The following ROBO1 variants were observed in gnomAD, a reference collection of about 807,000 sequenced individuals.
ROBO1 encodes the protein roundabout homolog 1.
Under a neutral mutation model 195.9 loss-of-function variants are expected in ROBO1, and 149 were observed. The observed-to-expected ratio is 0.76, with a 90% CI of 0.67 to 0.87. The LOEUF (loss-of-function observed/expected upper bound fraction) is 0.87. ROBO1 is among the 40% of genes least tolerant of loss of function. ROBO1 has a pLI of 0.00. For missense variants in ROBO1, 1,933 were observed against 2,068.3 expected (o/e 0.93, Z 1.27); for synonymous variants, 816 against 733.2 (o/e 1.11, Z -1.82).
intron 2 of ROBO1, among the ~76,000 whole-genome samples, chr3:79,186,872 C>T (rs1028032275): frequency 2.0e-5 from 3 of 152,088 alleles, no homozygotes; most frequent in Admixed American, 1.3e-4. Flanking sequence ...GAGATTTCCT[C>T]GGACTGACTG....
intron 2 of ROBO1, among the ~76,000 whole-genome samples, chr3:79,308,036 A>G (rs943763394): frequency 6.6e-6 from 1 of 152,194 alleles, no homozygotes; most frequent in Non-Finnish European, 1.5e-5. Flanking sequence ...TTTCACACCT[A>G]TAAATTCCCA....
intron 2 of ROBO1, among the ~76,000 whole-genome samples, chr3:79,390,767 T>C (rs1162728133): frequency 1.3e-5 from 2 of 152,000 alleles, no homozygotes; most frequent in Non-Finnish European, 2.9e-5. Context: ...GAAATCAAAC[T>C]TAGGAGAAAA....
At chr3:78,706,542 G>GTGTT (rs2081556771) in intron 8 of ROBO1, among the ~76,000 whole-genome samples, 1 of 151,946 alleles carries the variant, frequency 6.6e-6, no homozygotes, top group Non-Finnish European at 1.5e-5. Context: ...GGGTCTCACT[G>GTGTT]TGTTGCTTAG....
At chr3:79,600,900 G>A (rs1352480932) in intron 1 of ROBO1, among the ~76,000 whole-genome samples, 2 of 151,772 alleles carry the variant, frequency 1.3e-5, no homozygotes, top group Admixed American at 6.6e-5. Flanking sequence ...TTTAATAAAC[G>A]TTATTTGACA....
intron 4 of ROBO1, among the ~76,000 whole-genome samples, chr3:78,833,296 T>C (rs1009354858): frequency 4.6e-5 from 7 of 152,148 alleles, no homozygotes; most frequent in African/African-American, 1.7e-4. Flanking sequence ...AGGTGGGGAA[T>C]AGGACAGAAG....
At chr3:79,441,982 C>G (rs1253311502) in intron 2 of ROBO1, among the ~76,000 whole-genome samples, 1 of 151,864 alleles carries the variant, frequency 6.6e-6, no homozygotes, top group Non-Finnish European at 1.5e-5. Context: ...ATTTCTGTGA[C>G]TAGAGAGGTT....
intron 3 of ROBO1, among the ~76,000 whole-genome samples, chr3:78,973,237 C>T (rs1466568206): frequency 6.6e-6 from 1 of 151,612 alleles, no homozygotes; most frequent in Non-Finnish European, 1.5e-5. Flanking sequence ...GGAAAACTTG[C>T]TAGAAATTTT....
At chr3:78,979,428 A>G (rs541298967) in intron 3 of ROBO1, among the ~76,000 whole-genome samples, 1 of 152,330 alleles carries the variant, frequency 6.6e-6, no homozygotes, top group African/African-American at 2.4e-5. Flanking sequence ...AAAGCAATGG[A>G]CTGAATAATT....
intron 2 of ROBO1, among the ~76,000 whole-genome samples, chr3:79,552,233 T>C (rs1028254321): frequency 1.2e-4 from 18 of 151,948 alleles, no homozygotes; most frequent in Non-Finnish European, 2.5e-4. Context: ...CAACACATAC[T>C]ATATCTCTTG....
chr3:79,589,912 C>G lies in ROBO1; in HGVS notation c.-1G>C, dbSNP rs773607622. 4 of 1,608,182 alleles carry G rather than the reference C, an allele frequency of 2.5e-6. No individual in the cohort carries two copies. Among genetic ancestry groups the G allele is most frequent in the Non-Finnish European group, 3.4e-6 (4 of 1,175,650 alleles). ...AAAAAGGAACATGTTTCCATTTCAT[C>G]TTTGTCCCTTCCTTGCATTACAACC... On this transcript the variant is annotated 5_prime_UTR_variant, in exon 2 of 31. Coordinates refer to ENST00000464233, the MANE Select transcript of ROBO1 (RefSeq NM_002941.4).
intron 3 of ROBO1, among the ~76,000 whole-genome samples, chr3:79,041,402 G>C (rs146473074): frequency 8.5e-4 from 129 of 151,928 alleles, no homozygotes; most frequent in African/African-American, 3.0e-3. Flanking sequence ...GTAAATATTT[G>C]AGAGGTATTG....
intron 2 of ROBO1, among the ~76,000 whole-genome samples, chr3:79,576,072 C>G (rs1330642980): frequency 6.6e-6 from 1 of 151,938 alleles, no homozygotes; most frequent in Non-Finnish European, 1.5e-5. Flanking sequence ...CTCTATACAG[C>G]TTAAAATTTT....
chr3:79,728,315 C>G (rs947488822), intron 1 of ROBO1, among the ~76,000 whole-genome samples: 3 of 152,090 alleles, frequency 2.0e-5, no homozygotes, highest in Admixed American at 6.6e-5. Context: ...TCTCAGATTT[C>G]CTCAGAATTT....
intron 5 of ROBO1, among the ~76,000 whole-genome samples, chr3:78,730,082 C>T (rs1258691970): frequency 6.6e-6 from 1 of 152,160 alleles, no homozygotes; most frequent in African/African-American, 2.4e-5. Context: ...TGACTATACT[C>T]TAGAAATAAA....
intron 10 of ROBO1, among the ~76,000 whole-genome samples, chr3:78,673,873 C>A (rs1232194930): frequency 6.6e-6 from 1 of 151,514 alleles, no homozygotes; most frequent in Non-Finnish European, 1.5e-5. Context: ...AGATAAAGAG[C>A]ATAATTGTCA....
intron 2 of ROBO1, among the ~76,000 whole-genome samples, chr3:79,363,271 C>G (rs971897694): frequency 1.3e-5 from 2 of 152,180 alleles, no homozygotes; most frequent in African/African-American, 2.4e-5. Context: ...CTTTCCTTGT[C>G]TGTGTATTGC....
rs1258056717 is a variant in ROBO1 at position 78,673,603 on chromosome 3, T to TAC, written c.1343-3303_1343-3302insGT. On this transcript the variant is annotated intron_variant, in intron 10 of 30. Transcript: ENST00000464233. ...ATATATATATATATATATATATATATATACACACATATATTACAGCAGGGT... is the reference window on the plus strand; with the variant it reads ...ATATATATATATATATATATATATATACATACACACATATATTACAGCAGGGT... Among the ~76,000 whole-genome samples the TAC allele has an allele frequency of 1.0e-3, 55 of 55,126 alleles. No homozygotes were observed. The East Asian group carries it at 0.015, about 15-fold the overall frequency. 36.2% of individuals were successfully genotyped at this position (55,126 alleles called of 152,430 possible).
At position 79,471,407 on chromosome 3, in the gene ROBO1, C is replaced by G. The variant is rs142026605; in HGVS notation, c.88+118417G>C. ...AAATATTTGCAGACTATACCACATG[C>G]TTCAGCATACACTGTTAATTTCTAT... On this transcript the variant is annotated intron_variant, in intron 2 of 30. Coordinates refer to ENST00000464233, the MANE Select transcript of ROBO1 (RefSeq NM_002941.4). 5.7e-3 allele frequency among the ~76,000 whole-genome samples: 875 copies of G among 152,204 alleles called. 8 individuals carry two copies. Among genetic ancestry groups the G allele is most frequent in the African/African-American group, 0.02 (820 of 41,540 alleles).
At position 79,494,441 on chromosome 3, in the gene ROBO1, C is replaced by T. The variant is rs191529875; in HGVS notation, c.88+95383G>A. Among the ~76,000 whole-genome samples the T allele has an allele frequency of 8.6e-5, 13 of 152,016 alleles. No homozygotes were observed. The East Asian group carries it at 2.5e-3, about 29-fold the overall frequency. On this transcript the variant is annotated intron_variant, in intron 2 of 30. Coordinates refer to ENST00000464233, the MANE Select transcript of ROBO1 (RefSeq NM_002941.4). ...AAACACAAGGAAACAAATAAAAGGGCTATCTGCAAAAAAATACAATTTTTT... is the reference window on the plus strand; with the variant it reads ...AAACACAAGGAAACAAATAAAAGGGTTATCTGCAAAAAAATACAATTTTTT...
Sources: allele counts gnomAD v4.1 joint callset (sites outside exome capture counted in the v4.1 genomes callset), GRCh38; gene constraint gnomAD v4.1.1; transcripts MANE v1.5; gene names NCBI Gene and HGNC (gene_info 2026-07-23, HGNC 2026-07-21).